The following AMPH variants were observed in gnomAD, a reference collection of about 807,000 sequenced individuals.
The protein encoded by AMPH is amphiphysin (Stiff-Mann syndrome with breast cancer 128kD autoantigen).
A neutral mutation model predicts 99.1 loss-of-function variants in AMPH; 49 were observed. That is an observed-to-expected ratio of 0.49 (90% confidence interval 0.39 to 0.63). The LOEUF (loss-of-function observed/expected upper bound fraction) is 0.63, where lower values mean the gene tolerates loss of function less well. AMPH is among the 20% of genes least tolerant of loss of function. The probability of loss-of-function intolerance (pLI) is 0.00; values close to 1 mark genes in which losing one functional copy is unlikely to be tolerated. For synonymous variants in AMPH, 314 were observed against 317.3 expected, an observed-to-expected ratio of 0.99 and a Z score of 0.11; for missense variants, 759 against 863.4, an observed-to-expected ratio of 0.88 and a Z score of 1.52.
chr7:38,427,834 G>A (rs1785841901), intron 14 of AMPH: 2 of 454,296 alleles, frequency 4.4e-6, no homozygotes, highest in Non-Finnish European at 8.9e-6. Context: ...ACCAGGGTAA[G>A]TACCTCGTCT....
chr7:38,403,374 C>A (rs915023730), intron 17 of AMPH, among the ~76,000 whole-genome samples: 1 of 152,214 alleles, frequency 6.6e-6, no homozygotes, highest in Non-Finnish European at 1.5e-5. Context: ...TGACCTTCGG[C>A]AATGCTGTTG....
intron 1 of AMPH, among the ~76,000 whole-genome samples, chr7:38,612,975 C>G (rs1395193710): frequency 6.6e-6 from 1 of 152,096 alleles, no homozygotes; most frequent in South Asian, 2.1e-4. Flanking sequence ...AAAATAGCTA[C>G]CATTTACATT....
At chr7:38,599,104 T>G (rs551580432) in intron 1 of AMPH, among the ~76,000 whole-genome samples, 135 of 152,356 alleles carry the variant, frequency 8.9e-4, no homozygotes, top group African/African-American at 3.2e-3. Context: ...TTCTAATTTT[T>G]CAAGTAAATT....
intron 11 of AMPH, among the ~76,000 whole-genome samples, chr7:38,458,755 T>C (rs1787329001): frequency 6.6e-6 from 1 of 152,166 alleles, no homozygotes; most frequent in African/African-American, 2.4e-5. Flanking sequence ...GGTAGCATCA[T>C]AGTGAATGGG....
intron 1 of AMPH, among the ~76,000 whole-genome samples, chr7:38,535,305 A>T (rs1790557901): frequency 6.6e-6 from 1 of 152,120 alleles, no homozygotes; most frequent in Non-Finnish European, 1.5e-5. Flanking sequence ...GCTGTGCGTG[A>T]CTTAGAGACA....
intron 1 of AMPH, among the ~76,000 whole-genome samples, chr7:38,627,647 T>A (rs1794304377): frequency 1.0e-5 from 1 of 99,038 alleles, no homozygotes; most frequent in Non-Finnish European, 2.0e-5. Context: ...AGAGCGAGAC[T>A]CTGTCTCAAA....
At chr7:38,547,515 A>G (rs1791033557) in intron 1 of AMPH, among the ~76,000 whole-genome samples, 1 of 152,234 alleles carries the variant, frequency 6.6e-6, no homozygotes, top group Non-Finnish European at 1.5e-5. Context: ...TAAGCCCTGC[A>G]GTTGACAAAG....
At chr7:38,481,099 G>T (rs1366842226) in intron 5 of AMPH, among the ~76,000 whole-genome samples, 3 of 152,112 alleles carry the variant, frequency 2.0e-5, no homozygotes, top group Non-Finnish European at 4.4e-5. Flanking sequence ...TGGTAGAAAT[G>T]ACTATTTTGA....
intron 1 of AMPH, among the ~76,000 whole-genome samples, chr7:38,595,917 A>G (rs1793037427): frequency 6.6e-6 from 1 of 152,234 alleles, no homozygotes; most frequent in Admixed American, 6.5e-5. Context: ...CTATACCTGC[A>G]TAGTATTCCA....
chr7:38,587,578 G>A (rs965555336), intron 1 of AMPH, among the ~76,000 whole-genome samples: 3 of 152,152 alleles, frequency 2.0e-5, no homozygotes, highest in Non-Finnish European at 2.9e-5. Context: ...TTCACAGGGG[G>A]CTGGGAAATG....
chr7:38,550,431 G>A (rs80257368), intron 1 of AMPH, among the ~76,000 whole-genome samples: 12,635 of 152,276 alleles, frequency 0.083, 718 homozygotes, highest in Middle Eastern at 0.19. Context: ...TGATGTTGAT[G>A]CAGACAAAGA....
intron 11 of AMPH, among the ~76,000 whole-genome samples, chr7:38,444,510 C>T (rs1215437345): frequency 6.6e-6 from 1 of 152,016 alleles, no homozygotes; most frequent in Admixed American, 6.6e-5. Flanking sequence ...AGGGAAAATG[C>T]CATGTGATGA....
intron 1 of AMPH, among the ~76,000 whole-genome samples, chr7:38,537,157 A>T (rs961149071): frequency 6.6e-6 from 1 of 151,894 alleles, no homozygotes; most frequent in African/African-American, 2.4e-5. Flanking sequence ...CTGGTTAAAA[A>T]CTCCCAGCAA....
chr7:38,484,878 A>G (rs1267548522), intron 5 of AMPH, among the ~76,000 whole-genome samples: 1 of 152,002 alleles, frequency 6.6e-6, no homozygotes, highest in East Asian at 1.9e-4. Flanking sequence ...TAGAGTTTTT[A>G]TAGGTGATTG....
intron 17 of AMPH, among the ~76,000 whole-genome samples, chr7:38,407,048 CTATATATATA>C (rs1200407336): frequency 3.2e-5 from 1 of 31,268 alleles, no homozygotes; most frequent in Non-Finnish European, 6.1e-5. Context: ...CTCTCTCTCT[CTATATATATA>C]TATATATATA....
intron 1 of AMPH, among the ~76,000 whole-genome samples, chr7:38,596,620 AAAC>A (rs1793069525): frequency 6.6e-6 from 1 of 152,186 alleles, no homozygotes; most frequent in Non-Finnish European, 1.5e-5. Flanking sequence ...AAACACAATC[AAAC>A]AAAAATGAAA....
At chr7:38,627,269 C>G (rs753719348) in intron 1 of AMPH, among the ~76,000 whole-genome samples, 9 of 151,740 alleles carry the variant, frequency 5.9e-5, no homozygotes, top group African/African-American at 1.9e-4. Context: ...GGAGGCCGGG[C>G]GCGGTGGCTC....
At chr7:38,544,968 T>C (rs1383469023) in intron 1 of AMPH, among the ~76,000 whole-genome samples, 3 of 152,244 alleles carry the variant, frequency 2.0e-5, no homozygotes, top group East Asian at 3.8e-4. Flanking sequence ...CTTTCTATGA[T>C]ACAGATGGAT....
chr7:38,539,272 T>G (rs77785473), intron 1 of AMPH, among the ~76,000 whole-genome samples: 4,660 of 152,218 alleles, frequency 0.031, 261 homozygotes, highest in African/African-American at 0.11. Flanking sequence ...CAAGGGCTAT[T>G]AGTGGAATGG....
Sources: allele counts gnomAD v4.1 joint callset (sites outside exome capture counted in the v4.1 genomes callset), GRCh38; gene constraint gnomAD v4.1.1; transcripts MANE v1.5; gene names NCBI Gene and HGNC (gene_info 2026-07-23, HGNC 2026-07-21).